Variants in HMBOX1 observed in about 807,000 individuals in gnomAD.
HMBOX1 encodes homeobox containing 1, also known as homeobox-containing protein 1.
HMBOX1 carries 14 observed loss-of-function variants against 54.5 expected under a neutral mutation model. The observed-to-expected ratio is 0.26, with a 90% CI of 0.17 to 0.40. The LOEUF (loss-of-function observed/expected upper bound fraction) is 0.40, where lower values mean the gene tolerates loss of function less well. Among genes scored for constraint, HMBOX1 ranks in the 10% least tolerant of loss-of-function variants. The probability of loss-of-function intolerance (pLI) is 1.00; values close to 1 mark genes in which losing one functional copy is unlikely to be tolerated. For synonymous variants in HMBOX1, 160 were observed against 181.0 expected (o/e 0.88, Z 0.93); for missense variants, 332 against 514.4 (o/e 0.65, Z 3.43).
chr8:28,950,514 G>A (rs1823225754), intron 1 of HMBOX1, among the ~76,000 whole-genome samples: 1 of 152,188 alleles, frequency 6.6e-6, no homozygotes, highest in Non-Finnish European at 1.5e-5. Flanking sequence ...GCTAAATGTA[G>A]TATATTGTAA....
At chr8:29,024,881 G>T (rs1801775736) in intron 6 of HMBOX1, among the ~76,000 whole-genome samples, 1 of 152,134 alleles carries the variant, frequency 6.6e-6, no homozygotes, top group Non-Finnish European at 1.5e-5. Flanking sequence ...TACTGCCTGA[G>T]CTCCACCTGC....
At chr8:29,040,323 T>A (rs898668472) in intron 6 of HMBOX1, among the ~76,000 whole-genome samples, 6 of 152,236 alleles carry the variant, frequency 3.9e-5, no homozygotes, top group African/African-American at 2.4e-5. Flanking sequence ...CATAGTTGTT[T>A]GCTATTTTAT....
At chr8:29,033,664 T>C (rs139954199) in intron 6 of HMBOX1, among the ~76,000 whole-genome samples, 70 of 152,336 alleles carry the variant, frequency 4.6e-4, no homozygotes, top group African/African-American at 1.6e-3. Flanking sequence ...GATGCTTTGC[T>C]AGCAGTTTCA....
chr8:29,044,126 G>C (rs1415090574), intron 6 of HMBOX1, among the ~76,000 whole-genome samples: 3 of 152,212 alleles, frequency 2.0e-5, no homozygotes, highest in Admixed American at 1.3e-4. Flanking sequence ...AGTGAGAGGA[G>C]GGAGTAGTGT....
chr8:29,005,391 T>C (rs1381725341), intron 4 of HMBOX1, among the ~76,000 whole-genome samples: 2 of 152,230 alleles, frequency 1.3e-5, no homozygotes, highest in Admixed American at 1.3e-4. Flanking sequence ...TTTAAATTCA[T>C]ATTATATATC....
intron 5 of HMBOX1, chr8:29,009,527 T>C (rs1481177200): frequency 2.3e-4 from 142 of 620,282 alleles, no homozygotes; most frequent in African/African-American, 3.3e-4. Context: ...GTATCTCTTT[T>C]TTTTTTTTTT....
At chr8:29,027,289 C>G (rs78761176) in intron 6 of HMBOX1, among the ~76,000 whole-genome samples, 2 of 152,224 alleles carry the variant, frequency 1.3e-5, no homozygotes, top group East Asian at 3.9e-4. Context: ...GAAGTACTTA[C>G]GGGCTGTGAG....
chr8:28,951,369 G>T (rs930283402), intron 1 of HMBOX1, among the ~76,000 whole-genome samples: 6 of 152,140 alleles, frequency 3.9e-5, no homozygotes, highest in Non-Finnish European at 7.3e-5. Flanking sequence ...TTGACCTTAT[G>T]ATCCGCCCAC....
At chr8:28,922,720 T>C (rs1288414083) in intron 1 of HMBOX1, among the ~76,000 whole-genome samples, 1 of 152,196 alleles carries the variant, frequency 6.6e-6, no homozygotes, top group Non-Finnish European at 1.5e-5. Flanking sequence ...ATGGAGACTT[T>C]GAACACATTA....
intron 6 of HMBOX1, among the ~76,000 whole-genome samples, chr8:29,043,987 A>G (rs929409903): frequency 6.6e-6 from 1 of 152,104 alleles, no homozygotes; most frequent in African/African-American, 2.4e-5. Context: ...ATATAGCTCT[A>G]TGACTTAAGT....
At chr8:29,006,210 G>C (rs6558087) in intron 4 of HMBOX1, among the ~76,000 whole-genome samples, 147,776 of 152,066 alleles carry the variant, frequency 0.97, 71,810 homozygotes, top group East Asian at 1. Context: ...TCAGGCTGTT[G>C]TGGAACTCTT....
At chr8:29,033,311 A>T (rs966958891) in intron 6 of HMBOX1, among the ~76,000 whole-genome samples, 7 of 152,180 alleles carry the variant, frequency 4.6e-5, no homozygotes, top group Non-Finnish European at 7.3e-5. Context: ...TATACTCCTT[A>T]TGGAATGACT....
rs550508333 is a variant in HMBOX1, at chr8:28,975,743, G to A, written c.501-4328G>A. On this transcript the variant is annotated intron_variant, in intron 3 of 9. Transcript: ENST00000287701. ...ATTTGAGGCATAGAAATCTTGAAGA[G>A]TGTGAGATTTTGTAAGAGAAGAGAG... Among the ~76,000 whole-genome samples the A allele has an allele frequency of 2.6e-5, 4 of 152,220 alleles. No homozygotes were observed. In the South Asian group the frequency reaches 8.3e-4, roughly 32 times the overall value.
At chr8:28,915,556 C>CCCAAA (rs1816372751) in intron 1 of HMBOX1, 1 of 119,402 alleles carries the variant, frequency 8.4e-6, no homozygotes, top group African/African-American at 3.5e-5. Context: ...GACTCTGTCT[C>CCCAAA]AAAAAAAAAA....
intron 1 of HMBOX1, among the ~76,000 whole-genome samples, chr8:28,933,121 G>A (rs117120427): frequency 0.026 from 3,966 of 152,182 alleles, 65 homozygotes; most frequent in Non-Finnish European, 0.039. Context: ...TTGTGAAGGA[G>A]CAGTTATGAT....
chr8:29,031,679 C>T (rs570699632), intron 6 of HMBOX1, among the ~76,000 whole-genome samples: 6 of 152,240 alleles, frequency 3.9e-5, no homozygotes, highest in Non-Finnish European at 7.4e-5. Flanking sequence ...CCATACCTAT[C>T]TAATAGGAGT....
At chr8:29,005,254 G>C (rs1159357264) in intron 4 of HMBOX1, among the ~76,000 whole-genome samples, 1 of 152,122 alleles carries the variant, frequency 6.6e-6, no homozygotes, top group African/African-American at 2.4e-5. Context: ...GCAACTATTT[G>C]CTTGTAAAAT....
At chr8:28,899,470 GTCAT>G (rs1812795176) in intron 1 of HMBOX1, among the ~76,000 whole-genome samples, 2 of 152,170 alleles carry the variant, frequency 1.3e-5, no homozygotes, top group Non-Finnish European at 2.9e-5. Context: ...CTTAGCAAAT[GTCAT>G]TCATCCCTGA....
At chr8:28,982,443 C>CT (rs1205224146) in intron 4 of HMBOX1, among the ~76,000 whole-genome samples, 1 of 151,616 alleles carries the variant, frequency 6.6e-6, no homozygotes, top group Non-Finnish European at 1.5e-5. Context: ...TTTGTTTTTA[C>CT]TTTTTTGTTT....
Sources: allele counts gnomAD v4.1 joint callset (sites outside exome capture counted in the v4.1 genomes callset), GRCh38; gene constraint gnomAD v4.1.1; transcripts MANE v1.5; gene names NCBI Gene and HGNC (gene_info 2026-07-23, HGNC 2026-07-21).